DDI2: variants seen among roughly 807,000 people sequenced by gnomAD.
DDI2 encodes DDI proteasomal shuttling factor 2.
A neutral mutation model predicts 48.1 loss-of-function variants in DDI2; 5 were observed. The ratio of observed to expected loss-of-function variants is 0.10; its 90% CI spans 0.05 to 0.22. The LOEUF is 0.22. DDI2 is among the 10% of genes least tolerant of loss of function. The probability of loss-of-function intolerance (pLI) is 1.00; values close to 1 mark genes in which losing one functional copy is unlikely to be tolerated. For synonymous variants in DDI2, 205 were observed against 183.6 expected (o/e 1.12, Z -0.94); for missense variants, 285 against 506.2 (o/e 0.56, Z 4.19).
At position 15,659,990 on chromosome 1, in the gene DDI2, A is replaced by T. The variant is rs772138974; in HGVS notation, c.*200A>T. 6.2e-7 allele frequency: 1 copy of T among 1,614,206 alleles called. No individual in the cohort carries two copies. Among genetic ancestry groups the T allele is most frequent in the Admixed American group, 1.7e-5 (1 of 60,026 alleles). On this transcript the variant is annotated 3_prime_UTR_variant, in exon 10 of 10. Transcript: ENST00000480945. The stretch of plus-strand genomic sequence containing the variant: ...GTCTCTGCTTCAGTCTGCCCTATCA[A>T]GCCCAGTGACTCAGATCGCATTGAA...
Position 15,661,957 on chromosome 1 carries a change from G to T in DDI2, c.*2167G>T. On this transcript the variant is annotated 3_prime_UTR_variant, in exon 10 of 10. Coordinates refer to ENST00000480945, the MANE Select transcript of DDI2 (RefSeq NM_032341.5). The stretch of plus-strand genomic sequence containing the variant: ...AATTTAGGCCTTTTTAAATGTATTG[G>T]CAGTATGTGCATACAGAAGCTTTTT... 1 of 473,130 alleles carries T rather than the reference G, an allele frequency of 2.1e-6. No individual in the cohort carries two copies. 29.3% of individuals were successfully genotyped at this position (473,130 alleles called of 1,614,324 possible). A position where few individuals can be genotyped will look rare whatever the true frequency, so the allele number is the denominator to read the frequency against.
rs531673818 is a variant in DDI2 at position 15,662,345 on chromosome 1, G to A, written c.*2555G>A. 1.3e-5 allele frequency: 2 copies of A among 152,314 alleles called. No individual in the cohort carries two copies. The highest frequency in any genetic ancestry group is 1.9e-4 in the East Asian group (1 of 5,190). 9.4% of individuals were successfully genotyped at this position (152,314 alleles called of 1,614,324 possible). A position where few individuals can be genotyped will look rare whatever the true frequency, so the allele number is the denominator to read the frequency against. Reference sequence around the variant, plus strand: ...TTAGGATTTGACATTTTAATAGGGCGAGCAGGAGGGTTTAAATCTTGGGCT... The same window carrying A: ...TTAGGATTTGACATTTTAATAGGGCAAGCAGGAGGGTTTAAATCTTGGGCT... On this transcript the variant is annotated 3_prime_UTR_variant, in exon 10 of 10. Transcript: ENST00000480945.
At chr1:15,647,211 A>G (rs1640105882) in intron 6 of DDI2, among the ~76,000 whole-genome samples, 1 of 150,722 alleles carries the variant, frequency 6.6e-6, no homozygotes, top group Non-Finnish European at 1.5e-5. Context: ...GCGGTGGCGT[A>G]ATCTTGGCTC....
At chr1:15,618,338 A>G (rs1639599622) in intron 1 of DDI2, among the ~76,000 whole-genome samples, 1 of 151,906 alleles carries the variant, frequency 6.6e-6, no homozygotes, top group Non-Finnish European at 1.5e-5. Flanking sequence ...TTCCGGTGAA[A>G]GAAAAAGTTT....
rs150880351 is a variant in DDI2 at position 15,633,955 on chromosome 1, G to C, written c.632+390G>C. 201 of 381,368 alleles carry C rather than the reference G, an allele frequency of 5.3e-4. 1 individual carries two copies. Among genetic ancestry groups the C allele is most frequent in the African/African-American group, 3.4e-3 (162 of 47,144 alleles). The allele number at this position is 381,368 out of a possible 1,614,324, so 23.6% of individuals were successfully genotyped here. ...TCTTTAGACATATTGTATAAGTCCT[G>C]ATTAAATCCAGGGCTTAAACATGAT... On this transcript the variant is annotated intron_variant, in intron 4 of 9. Coordinates refer to ENST00000480945, the MANE Select transcript of DDI2 (RefSeq NM_032341.5).
At chr1:15,628,397 C>G (rs1639790890) in intron 2 of DDI2, among the ~76,000 whole-genome samples, 1 of 152,202 alleles carries the variant, frequency 6.6e-6, no homozygotes, top group South Asian at 2.1e-4. Context: ...TTCTCTTTTT[C>G]TATCTGAGGT....
intron 6 of DDI2, among the ~76,000 whole-genome samples, chr1:15,648,727 AC>A (rs1214757876): frequency 6.6e-6 from 1 of 151,660 alleles, no homozygotes; most frequent in Admixed American, 6.6e-5. Context: ...GACCCTACCC[AC>A]ACCACACAAA....
intron 3 of DDI2, among the ~76,000 whole-genome samples, chr1:15,632,564 G>A (rs762125076): frequency 1.3e-5 from 2 of 152,116 alleles, no homozygotes; most frequent in Non-Finnish European, 2.9e-5. Flanking sequence ...ATAGGTTCTT[G>A]TTGTAACATA....
rs181882736 is a variant in DDI2, at chr1:15,660,167, C to T, written c.*377C>T. 2 of 1,614,216 alleles carry T rather than the reference C, an allele frequency of 1.2e-6. No individual in the cohort carries two copies. Among genetic ancestry groups the T allele is most frequent in the Admixed American group, 3.3e-5 (2 of 60,024 alleles). On this transcript the variant is annotated 3_prime_UTR_variant, in exon 10 of 10. Coordinates refer to ENST00000480945, the MANE Select transcript of DDI2 (RefSeq NM_032341.5). ...AGTCCAGCTATGCCTATGCAGAATT[C>T]ATCCGAAGAAATAACTGTTGCAGGT...
At chr1:15,652,124 G>A (rs1423903628) in intron 8 of DDI2, among the ~76,000 whole-genome samples, 6 of 129,656 alleles carry the variant, frequency 4.6e-5, no homozygotes, top group Admixed American at 9.0e-5. Flanking sequence ...GGAGTGCAGT[G>A]TGCAGTGTGA....
intron 1 of DDI2, 101 bp from the exon 2 acceptor site, chr1:15,626,568 A>G: frequency 2.6e-6 from 4 of 1,526,386 alleles, no homozygotes; most frequent in Non-Finnish European, 2.7e-6. Flanking sequence ...GGAGGGTTTG[A>G]AAGGAGGGTG....
At chr1:15,632,910 TAC>T (rs1639867227) in intron 3 of DDI2, among the ~76,000 whole-genome samples, 1 of 131,996 alleles carries the variant, frequency 7.6e-6, no homozygotes, top group Admixed American at 7.5e-5. Flanking sequence ...TTTTTGCAAA[TAC>T]TTTTTTTTTT....
chr1:15,630,507 T>TTGC lies in DDI2; in HGVS notation c.454_456dup (p.Leu152dup), dbSNP rs748062998. ...GCTGGCCAACCCGCATGAGCTGTCC[T>TTGC]TGCTGAAGGAACGCAATCCACCCCT... On this transcript the variant is annotated inframe_insertion, in exon 3 of 10. Transcript: ENST00000480945. 6.2e-7 allele frequency: 1 copy of TTGC among 1,614,202 alleles called. No homozygotes were observed. The highest frequency in any genetic ancestry group is 1.1e-5 in the South Asian group (1 of 91,084).
intron 1 of DDI2, among the ~76,000 whole-genome samples, chr1:15,625,362 C>T (rs1639736309): frequency 6.6e-6 from 1 of 152,214 alleles, no homozygotes. Flanking sequence ...GGAGGAAAAC[C>T]TTTCAAAGCC....
intron 3 of DDI2, among the ~76,000 whole-genome samples, chr1:15,632,385 T>A (rs1639859202): frequency 6.6e-6 from 1 of 151,940 alleles, no homozygotes; most frequent in African/African-American, 2.4e-5. Context: ...ATACAAAAAT[T>A]AGCTGGACGT....
intron 9 of DDI2, among the ~76,000 whole-genome samples, chr1:15,658,695 G>A (rs1309193714): frequency 2.6e-5 from 4 of 151,124 alleles, no homozygotes; most frequent in Non-Finnish European, 3.0e-5. Flanking sequence ...CGGAGGTTGC[G>A]GTGAGCTCAG....
intron 3 of DDI2, among the ~76,000 whole-genome samples, chr1:15,633,197 G>C (rs1473310789): frequency 6.6e-6 from 1 of 152,020 alleles, no homozygotes; most frequent in African/African-American, 2.4e-5. Context: ...CCAAAGTGTC[G>C]AGATTATAGG....
Position 15,664,436 on chromosome 1 carries a change from A to G in DDI2, c.*4646A>G, listed in dbSNP as rs969173207. 7.4e-6 allele frequency: 1 copy of G among 135,010 alleles called. No individual in the cohort carries two copies. The highest frequency in any genetic ancestry group is 3.3e-5 in the African/African-American group (1 of 30,184). The allele number at this position is 135,010 out of a possible 1,614,324, so 8.4% of individuals were successfully genotyped here. A position where few individuals can be genotyped will look rare whatever the true frequency, so the allele number is the denominator to read the frequency against. On this transcript the variant is annotated 3_prime_UTR_variant, in exon 10 of 10. Coordinates refer to ENST00000480945, the MANE Select transcript of DDI2 (RefSeq NM_032341.5). ...GCAGAGTGAGACTCTGTCTCACCCA[A>G]AAAAAAAAAAAAAAAGCTATTGACA...
In DDI2 at chr1:15,662,498, C is replaced by T. The variant is rs184672711; in HGVS notation, c.*2708C>T. ...CAGATTCTTAAAAGAACAGAACAAC[C>T]ATAATTCCATTTGCAGATGTCAAGA... On this transcript the variant is annotated 3_prime_UTR_variant, in exon 10 of 10. Transcript: ENST00000480945. The T allele has an allele frequency of 7.9e-5, 12 of 152,290 alleles. No homozygotes were observed. The East Asian group carries it at 2.1e-3, about 27-fold the overall frequency. 9.4% of individuals were successfully genotyped at this position (152,290 alleles called of 1,614,324 possible).
Sources: gnomAD v4.1 joint callset for allele counts (sites outside exome capture counted in the v4.1 genomes callset) on GRCh38, gnomAD v4.1.1 for gene constraint, MANE v1.5 for transcripts, NCBI Gene and HGNC (gene_info 2026-07-23, HGNC 2026-07-21) for gene names.